The following RAD54L2 variants were observed in gnomAD, a reference collection of about 807,000 sequenced individuals.
RAD54L2 encodes the protein RAD54 like 2, also known as helicase ARIP4.
In RAD54L2, 27 loss-of-function variants were observed where a neutral mutation model predicts 138.4. The ratio of observed to expected loss-of-function variants is 0.20; its 90% CI spans 0.14 to 0.27. The LOEUF (loss-of-function observed/expected upper bound fraction) is 0.27. Among genes scored for constraint, RAD54L2 ranks in the 10% least tolerant of loss-of-function variants. RAD54L2 has a pLI of 1.00. For missense variants in RAD54L2, 1,396 were observed against 1,890.2 expected (o/e 0.74, Z 4.85); for synonymous variants, 644 against 723.2 (o/e 0.89, Z 1.76).
intron 2 of RAD54L2, among the ~76,000 whole-genome samples, chr3:51,573,990 TC>T (rs1674418423): frequency 4.0e-5 from 3 of 75,682 alleles, no homozygotes; most frequent in East Asian, 4.3e-4. Flanking sequence ...ATGCTATCCC[TC>T]CCCCCACCCC....
rs1357214334 is a variant in RAD54L2 at position 51,665,097 on chromosome 3, A to G, written c.*1677A>G. On this transcript the variant is annotated 3_prime_UTR_variant, in exon 23 of 23. Coordinates refer to ENST00000684192, the MANE Select transcript of RAD54L2 (RefSeq NM_015106.4). ...TCATTCTGGGTCTCCCCTTATTGCCATTGCCAGGGGAGGGTCGTCTAGTCC... is the reference window on the plus strand; with the variant it reads ...TCATTCTGGGTCTCCCCTTATTGCCGTTGCCAGGGGAGGGTCGTCTAGTCC... 6.6e-6 allele frequency: 1 copy of G among 152,072 alleles called. No individual in the cohort carries two copies. Among genetic ancestry groups the G allele is most frequent in the Non-Finnish European group, 1.5e-5 (1 of 68,010 alleles). The allele number at this position is 152,072 out of a possible 1,614,324, so 9.4% of individuals were successfully genotyped here.
intron 2 of RAD54L2, among the ~76,000 whole-genome samples, chr3:51,578,247 G>T (rs963129553): frequency 2.0e-5 from 3 of 151,850 alleles, no homozygotes; most frequent in African/African-American, 7.3e-5. Flanking sequence ...ACATGTTGAG[G>T]TATACACAGG....
In RAD54L2 at chr3:51,662,613, T is replaced by C. The variant is rs1395676549; in HGVS notation, c.3597T>C (p.Asn1199=). The change falls in exon 23 of 23, where the codon AAT becomes AAC. Residue 1199 remains asparagine, a synonymous_variant. Coordinates refer to ENST00000684192, the MANE Select transcript of RAD54L2 (RefSeq NM_015106.4). The surrounding 1 kb of genome is among the most constrained non-coding windows in gnomAD (Gnocchi z 4.6). The part of the protein sequence containing the change: ...RESRQSSPST[N]AALPGPPAQL... ...CCCGTCAGAGCTCCCCAAGCACCAA[T>C]GCCGCCCTGCCTGGCCCCCCGGCCC... 17 of 1,612,712 alleles carry C rather than the reference T, an allele frequency of 1.1e-5. No individual in the cohort carries two copies. Among genetic ancestry groups the C allele is most frequent in the Non-Finnish European group, 1.4e-5 (17 of 1,179,292 alleles).
intron 3 of RAD54L2, among the ~76,000 whole-genome samples, chr3:51,622,006 A>G (rs993262998): frequency 2.6e-5 from 4 of 152,218 alleles, no homozygotes; most frequent in African/African-American, 9.6e-5. Context: ...AGAAGTTGAC[A>G]GCAGTATTAT....
rs1699082166 is a variant in RAD54L2, at chr3:51,560,895, G to GA, written c.-55+19248dup. 2.0e-5 allele frequency among the ~76,000 whole-genome samples: 3 copies of GA among 152,318 alleles called. No homozygotes were observed. In the South Asian group the frequency reaches 6.2e-4, roughly 32 times the overall value. Reference sequence around the variant, plus strand: ...GGAATATCTTCATTTTACAAGTGAGGAAACAAACTGTGGTCCAAAGAATTT... The same window carrying GA: ...GGAATATCTTCATTTTACAAGTGAGGAAAACAAACTGTGGTCCAAAGAATTT... On this transcript the variant is annotated intron_variant, in intron 2 of 22. Transcript: ENST00000684192.
intron 2 of RAD54L2, among the ~76,000 whole-genome samples, chr3:51,579,058 C>T (rs868111078): frequency 3.3e-5 from 5 of 152,260 alleles, no homozygotes; most frequent in Middle Eastern, 6.8e-3. Context: ...TCCGAAGCTA[C>T]ACCATCAAGC....
chr3:51,551,623 TG>T (rs1457999194), intron 2 of RAD54L2, among the ~76,000 whole-genome samples: 4 of 151,680 alleles, frequency 2.6e-5, no homozygotes, highest in African/African-American at 9.7e-5. Flanking sequence ...TTGGTAGAGA[TG>T]GGGTTTCACC....
chr3:51,661,792 CCTTT>C (rs1385324891), intron 22 of RAD54L2, among the ~76,000 whole-genome samples: 3 of 152,144 alleles, frequency 2.0e-5, no homozygotes, highest in African/African-American at 7.2e-5. Context: ...TCTCTCCCTC[CCTTT>C]CTATTATTTG....
intron 15 of RAD54L2, among the ~76,000 whole-genome samples, chr3:51,643,649 A>G (rs1022766251): frequency 2.0e-5 from 3 of 152,192 alleles, no homozygotes; most frequent in African/African-American, 7.2e-5. Flanking sequence ...AAAGGGGAGA[A>G]ATGTAGTTTA....
At chr3:51,560,350 T>C (rs11709482) in intron 2 of RAD54L2, among the ~76,000 whole-genome samples, 113,813 of 149,858 alleles carry the variant, frequency 0.76, 43,916 homozygotes, top group Middle Eastern at 0.85. Flanking sequence ...TCCAAATCAT[T>C]TTCTTTTTTT....
intron 13 of RAD54L2, 96 bp downstream of exon 13, chr3:51,639,766 T>A (rs2106815295): frequency 6.5e-7 from 1 of 1,533,574 alleles, no homozygotes; most frequent in Middle Eastern, 1.8e-4. Flanking sequence ...ATGGCTAGGG[T>A]CTCTGTATGG....
At chr3:51,616,862 A>G (rs1345460450) in intron 3 of RAD54L2, among the ~76,000 whole-genome samples, 1 of 152,076 alleles carries the variant, frequency 6.6e-6, no homozygotes. Flanking sequence ...GAAAATATCC[A>G]TGGTCCCAGA....
At chr3:51,563,858 G>A (rs899171148) in intron 2 of RAD54L2, among the ~76,000 whole-genome samples, 36 of 152,158 alleles carry the variant, frequency 2.4e-4, no homozygotes, top group Non-Finnish European at 7.4e-5. Context: ...GTTCTCCACA[G>A]ATCAAGATGA....
intron 3 of RAD54L2, among the ~76,000 whole-genome samples, chr3:51,612,542 G>C (rs1376192708): frequency 1.3e-5 from 2 of 152,092 alleles, no homozygotes; most frequent in South Asian, 2.1e-4. Flanking sequence ...TGTTAGGTTT[G>C]GATATGTGAG....
Position 51,646,290 on chromosome 3 carries a change from T to C in RAD54L2, c.2835T>C (p.Pro945=), listed in dbSNP as rs1298100502. 6 of 1,582,546 alleles carry C rather than the reference T, an allele frequency of 3.8e-6. No individual in the cohort carries two copies. The highest frequency in any genetic ancestry group is 5.2e-6 in the Non-Finnish European group (6 of 1,164,666). ...ACATCCTCCTGTGTCCCCAGGAGCC[T>C]TTCGAGCATGAGTCATTGCTCTTGA... ...LKYPHLITKE[P]FEHESLLLNR... is the part of the protein sequence containing the mutation. The change falls in exon 19 of 23, where the codon CCT becomes CCC. Residue 945 remains proline (P), a synonymous_variant. Coordinates refer to ENST00000684192, the MANE Select transcript of RAD54L2 (RefSeq NM_015106.4).
intron 10 of RAD54L2, among the ~76,000 whole-genome samples, chr3:51,636,241 C>T (rs1322811971): frequency 6.6e-6 from 1 of 152,210 alleles, no homozygotes; most frequent in Non-Finnish European, 1.5e-5. Flanking sequence ...TGTCATAGTT[C>T]TAATTCTACT....
At chr3:51,589,622 C>T (rs867244559) in intron 2 of RAD54L2, among the ~76,000 whole-genome samples, 7 of 151,466 alleles carry the variant, frequency 4.6e-5, no homozygotes, top group Non-Finnish European at 7.4e-5. Flanking sequence ...GTGTCATTTT[C>T]GCACAATTGT....
intron 2 of RAD54L2, among the ~76,000 whole-genome samples, chr3:51,545,459 G>A (rs1243255540): frequency 2.0e-5 from 3 of 151,326 alleles, no homozygotes; most frequent in Non-Finnish European, 4.4e-5. Context: ...CAAAGTGCTG[G>A]GATTACAGGC....
intron 3 of RAD54L2, among the ~76,000 whole-genome samples, chr3:51,615,057 A>C (rs1339409230): frequency 6.6e-6 from 1 of 151,926 alleles, no homozygotes; most frequent in East Asian, 1.9e-4. Context: ...CTTGTTGCCC[A>C]GGCTGTAGTG....
Sources: allele counts gnomAD v4.1 joint callset (sites outside exome capture counted in the v4.1 genomes callset), GRCh38; gene constraint gnomAD v4.1.1; non-coding constraint Gnocchi (gnomAD v3.1); transcripts MANE v1.5; gene names NCBI Gene and HGNC (gene_info 2026-07-23, HGNC 2026-07-21).